Variants in JAK1 observed in about 807,000 individuals in gnomAD.
JAK1 encodes the protein Janus kinase 1, also known as tyrosine-protein kinase JAK1.
JAK1 carries 16 observed loss-of-function variants against 136.6 expected under a neutral mutation model. That is an observed-to-expected ratio of 0.12 (90% confidence interval 0.08 to 0.18). The LOEUF is 0.18. Among genes scored for constraint, JAK1 ranks in the 10% least tolerant of loss-of-function variants. The pLI, the probability that JAK1 is intolerant of heterozygous loss-of-function variation, is 1.00. For missense variants in JAK1, 859 were observed against 1,450.1 expected, an observed-to-expected ratio of 0.59 and a Z score of 6.62; for synonymous variants, 492 against 519.5, an observed-to-expected ratio of 0.95 and a Z score of 0.72.
intron 2 of JAK1, among the ~76,000 whole-genome samples, chr1:65,030,499 A>G (rs2100812518): frequency 6.6e-6 from 1 of 152,092 alleles, no homozygotes; most frequent in East Asian, 1.9e-4. Context: ...TTTGATGAGG[A>G]ACAGAATATT....
At chr1:64,866,414 G>A (rs773471336) in intron 7 of JAK1, among the ~76,000 whole-genome samples, 1 of 152,192 alleles carries the variant, frequency 6.6e-6, no homozygotes, top group African/African-American at 2.4e-5. Flanking sequence ...GGAGCCAGAG[G>A]CCTAAGTTCA....
chr1:64,901,465 G>A (rs1645104055), intron 1 of JAK1, among the ~76,000 whole-genome samples: 1 of 152,154 alleles, frequency 6.6e-6, no homozygotes, highest in Non-Finnish European at 1.5e-5. Flanking sequence ...AGTGTGCTGA[G>A]AGTTGCGTAG....
chr1:64,925,898 C>T (rs536459139), intron 1 of JAK1, among the ~76,000 whole-genome samples: 1 of 152,274 alleles, frequency 6.6e-6, no homozygotes, highest in South Asian at 2.1e-4. Flanking sequence ...CCTATAAAAC[C>T]ACCTGTCTGG....
intron 1 of JAK1, among the ~76,000 whole-genome samples, chr1:64,894,252 G>A (rs1452515152): frequency 3.9e-5 from 6 of 152,154 alleles, no homozygotes; most frequent in African/African-American, 9.7e-5. Context: ...CAGATTCAAA[G>A]TCCTGACGAG....
chr1:64,986,173 T>G, intron 2 of JAK1: 1 of 431,918 alleles, frequency 2.3e-6, no homozygotes, highest in Non-Finnish European at 4.2e-6. Context: ...TGGGGCGATC[T>G]CAGCTCACTG....
chr1:65,023,615 C>G (rs1646954060), intron 2 of JAK1, among the ~76,000 whole-genome samples: 1 of 152,116 alleles, frequency 6.6e-6, no homozygotes, highest in Non-Finnish European at 1.5e-5. Flanking sequence ...TCCCGAGGAG[C>G]TGGGACTACA....
intron 11 of JAK1, among the ~76,000 whole-genome samples, chr1:64,853,960 GT>G (rs1655762988): frequency 6.6e-6 from 1 of 152,216 alleles, no homozygotes; most frequent in Admixed American, 6.5e-5. Context: ...GTGTGTTGCT[GT>G]GAATAAATAG....
At chr1:64,855,132 G>A (rs1201464711) in intron 11 of JAK1, among the ~76,000 whole-genome samples, 3 of 152,194 alleles carry the variant, frequency 2.0e-5, no homozygotes, top group African/African-American at 7.2e-5. Context: ...CTGATTCTTT[G>A]CATCTGATAT....
At chr1:64,914,530 T>C (rs957473282) in intron 1 of JAK1, among the ~76,000 whole-genome samples, 1 of 152,172 alleles carries the variant, frequency 6.6e-6, no homozygotes, top group Non-Finnish European at 1.5e-5. Context: ...TAAGTGGTTG[T>C]AAGGATAACT....
chr1:64,910,779 G>A (rs1312730045), intron 1 of JAK1, among the ~76,000 whole-genome samples: 1 of 149,860 alleles, frequency 6.7e-6, no homozygotes, highest in Non-Finnish European at 1.5e-5. Context: ...GGGAGGCAGA[G>A]GTTGCACTGA....
chr1:64,966,745 T>C (rs1180549694), upstream of JAK1, among the ~76,000 whole-genome samples: 4 of 144,944 alleles, frequency 2.8e-5, no homozygotes, highest in African/African-American at 1.0e-4. Context: ...CCCACTCGTC[T>C]CTGTTCACCG....
intron 1 of JAK1, among the ~76,000 whole-genome samples, chr1:64,928,132 G>A (rs1179602212): frequency 6.6e-6 from 1 of 152,164 alleles, no homozygotes; most frequent in Non-Finnish European, 1.5e-5. Context: ...AAACCTGCCA[G>A]TGCCCCTGAA....
intron 8 of JAK1, among the ~76,000 whole-genome samples, chr1:64,862,305 C>T (rs746614857): frequency 1.3e-5 from 2 of 152,174 alleles, no homozygotes; most frequent in Non-Finnish European, 2.9e-5. Context: ...ATTTCAAATG[C>T]TTTAACCTAA....
At chr1:64,911,637 C>T (rs1000895471) in intron 1 of JAK1, among the ~76,000 whole-genome samples, 7 of 152,210 alleles carry the variant, frequency 4.6e-5, no homozygotes, top group African/African-American at 1.4e-4. Context: ...ATTAAATCAT[C>T]TAAGTAATGA....
chr1:65,060,630 A>G (rs772087700), intron 1 of JAK1, among the ~76,000 whole-genome samples: 2 of 152,166 alleles, frequency 1.3e-5, no homozygotes, highest in Non-Finnish European at 2.9e-5. Flanking sequence ...AAAAGAAGCC[A>G]AGCATCCCTA....
At chr1:65,021,718 A>C (rs1289451886) in intron 2 of JAK1, among the ~76,000 whole-genome samples, 1 of 152,122 alleles carries the variant, frequency 6.6e-6, no homozygotes, top group Non-Finnish European at 1.5e-5. Flanking sequence ...CCTTTTCTAT[A>C]TATTGGTTCT....
At chr1:64,945,315 A>G (rs1194564985) in intron 1 of JAK1, among the ~76,000 whole-genome samples, 1 of 152,180 alleles carries the variant, frequency 6.6e-6, no homozygotes, top group Non-Finnish European at 1.5e-5. Flanking sequence ...AATAAAAATT[A>G]TTAATGCAAT....
In JAK1 at chr1:64,989,371, AATAAACT is replaced by A. The variant is rs1646633920; in HGVS notation, c.-78+55102_-78+55108del. On this transcript the variant is annotated intron_variant, in intron 2 of 25. Transcript: ENST00000671954. ...AATAAATAAATAAATAAATAAATAA[AATAAACT>A]CAAAAATGGTAGGAAAGTTTTGTGG... 1.3e-5 allele frequency: 2 copies of A among 151,636 alleles called. 1 individual carries two copies. The highest frequency in any genetic ancestry group is 4.8e-5 in the African/African-American group (2 of 41,276). 9.4% of individuals were successfully genotyped at this position (151,636 alleles called of 1,614,324 possible). A position where few individuals can be genotyped will look rare whatever the true frequency, so the allele number is the denominator to read the frequency against.
At chr1:65,060,758 T>G (rs1175724115) in intron 1 of JAK1, among the ~76,000 whole-genome samples, 1 of 152,196 alleles carries the variant, frequency 6.6e-6, no homozygotes, top group Non-Finnish European at 1.5e-5. Context: ...ATTTTTAAAA[T>G]AAATGTTTCA....
Sources: allele counts gnomAD v4.1 joint callset (sites outside exome capture counted in the v4.1 genomes callset), GRCh38; gene constraint gnomAD v4.1.1; transcripts MANE v1.5; gene names NCBI Gene and HGNC (gene_info 2026-07-23, HGNC 2026-07-21).